FANCM: variants seen among roughly 807,000 people sequenced by gnomAD.
FANCM encodes Fanconi anemia group M protein.
Under a neutral mutation model 199.5 loss-of-function variants are expected in FANCM, and 140 were observed. That is an observed-to-expected ratio of 0.70 (90% CI 0.61 to 0.81). The LOEUF (loss-of-function observed/expected upper bound fraction) is 0.81, where lower values mean the gene tolerates loss of function less well. Ranked by LOEUF, FANCM falls within the 30% of genes least tolerant of loss-of-function variation. FANCM has a pLI of 0.00. For synonymous variants in FANCM, 840 were observed against 836.8 expected (o/e 1.00, Z -0.07); for missense variants, 2,410 against 2,421.4 (o/e 1.00, Z 0.10).
rs1461529814 is a variant in FANCM, at chr14:45,170,695, A to G, written c.2109A>G (p.Ile703Met). 3 of 1,610,628 alleles carry G rather than the reference A, an allele frequency of 1.9e-6. No homozygotes were observed. The African/African-American group carries it at 4.0e-5, about 22-fold the overall frequency. The change falls in exon 12 of 23, where the codon ATA becomes ATG. Residue 703 changes from isoleucine (I) to methionine (M), a missense_variant. Ile to Met is a conservative substitution (Grantham distance 10). Coordinates refer to ENST00000267430, the MANE Select transcript of FANCM (RefSeq NM_020937.4). ...GGGACAGTGATGAAATTAAAGAGAT[A>G]ACATTGCCTCAAGTTCAGTTTTCTT... is the stretch of plus-strand genomic sequence containing the variant. ...RLRDSDEIKEITLPQVQFSSL... is the reference protein window; with the variant it reads ...RLRDSDEIKEMTLPQVQFSSL...
At chr14:45,190,317 TA>T (rs1889685592) in intron 20 of FANCM, among the ~76,000 whole-genome samples, 2 of 152,332 alleles carry the variant, frequency 1.3e-5, no homozygotes, top group South Asian at 4.1e-4. Flanking sequence ...ATAGACTTAC[TA>T]AAAAATACTT....
At chr14:45,170,537 T>C (rs1888269177) in intron 11 of FANCM, 52 bp from the exon 12 acceptor site, 1 of 1,374,498 alleles carries the variant, frequency 7.3e-7, no homozygotes, top group Non-Finnish European at 1.0e-6. Context: ...TGGGTTTTTT[T>C]GCTTTGCAGA....
chr14:45,194,974 C>T (rs1421300245), intron 20 of FANCM, among the ~76,000 whole-genome samples: 1 of 152,148 alleles, frequency 6.6e-6, no homozygotes, highest in Non-Finnish European at 1.5e-5. Context: ...GTCTCGAACT[C>T]CTGACCTCAA....
intron 12 of FANCM, among the ~76,000 whole-genome samples, chr14:45,171,552 T>G (rs1361792054): frequency 6.6e-6 from 1 of 152,120 alleles, no homozygotes; most frequent in East Asian, 1.9e-4. Context: ...GCTTAGCTCT[T>G]ACTTCTAAAT....
chr14:45,159,034 A>G, intron 8 of FANCM, 62 bp from the exon 9 acceptor site: 1 of 1,047,216 alleles, frequency 9.5e-7, no homozygotes, highest in South Asian at 1.6e-5. Context: ...TGTCTTTTGA[A>G]CTATTTCTTG....
At chr14:45,142,723 G>A (rs1056641006) in intron 3 of FANCM, among the ~76,000 whole-genome samples, 1 of 152,032 alleles carries the variant, frequency 6.6e-6, no homozygotes, top group South Asian at 2.1e-4. Flanking sequence ...ATGTGGTGAC[G>A]TTATGCATTT....
At chr14:45,164,297 T>C in intron 9 of FANCM, 62 bp from the exon 10 acceptor site, 2 of 1,357,552 alleles carry the variant, frequency 1.5e-6, no homozygotes, top group Admixed American at 1.7e-5. Context: ...GGGAAAAATA[T>C]GCTTTGATCT....
At chr14:45,143,838 T>C (rs920332830) in intron 3 of FANCM, among the ~76,000 whole-genome samples, 2 of 151,432 alleles carry the variant, frequency 1.3e-5, no homozygotes, top group South Asian at 2.1e-4. Flanking sequence ...GGATTACAGG[T>C]GCCCACCACC....
chr14:45,189,169 C>T lies in FANCM; in HGVS notation c.5147C>T (p.Ser1716Phe), dbSNP rs774758594. 2 of 1,614,124 alleles carry T rather than the reference C, an allele frequency of 1.2e-6. No homozygotes were observed. Among genetic ancestry groups the T allele is most frequent in the East Asian group, 2.2e-5 (1 of 44,872 alleles). The change falls in exon 20 of 23, where the codon TCC becomes TTC. Residue 1716 changes from serine (S) to phenylalanine (F), a missense_variant. By Grantham distance (155) the Ser-to-Phe change is radical (BLOSUM62 -2). Coordinates refer to ENST00000267430, the MANE Select transcript of FANCM (RefSeq NM_020937.4). ...GTGCCTTCTGGATCTTCTGCGCAGT[C>T]CAAGGTGCGTTCTACTCCAAGAGTT... ...NSVPSGSSAQ[S>F]KVRSTPRVNP...
intron 16 of FANCM, 104 bp downstream of exon 16, chr14:45,181,809 A>G (rs1889092716): frequency 8.1e-6 from 6 of 736,448 alleles, no homozygotes; most frequent in African/African-American, 5.3e-5. Flanking sequence ...AATCCTTAGT[A>G]GAAAAGTTGA....
intron 1 of FANCM, 149 bp downstream of exon 1, chr14:45,136,688 C>T: frequency 1.3e-6 from 1 of 777,860 alleles, no homozygotes; most frequent in Non-Finnish European, 2.2e-6. Flanking sequence ...AATAGGGTTG[C>T]TTTATTCAAT....
At chr14:45,164,224 C>T (rs1594784002) in intron 9 of FANCM, 135 bp from the exon 10 acceptor site, 2 of 736,962 alleles carry the variant, frequency 2.7e-6, no homozygotes, top group East Asian at 2.7e-5. Context: ...ACATTACAGG[C>T]ATGAGCTGTG....
chr14:45,173,287 G>C (rs1283779080), intron 13 of FANCM, 77 bp downstream of exon 13: 1 of 1,286,982 alleles, frequency 7.8e-7, no homozygotes, highest in East Asian at 2.3e-5. Flanking sequence ...TTCTTAATTT[G>C]AAGTAATAAG....
chr14:45,170,835 T>A, intron 12 of FANCM, 89 bp downstream of exon 12: 1 of 1,066,814 alleles, frequency 9.4e-7, no homozygotes, highest in Non-Finnish European at 1.5e-6. Context: ...GATCAAGCAA[T>A]AGCTTTGGGA....
At chr14:45,163,646 T>C (rs901086284) in intron 9 of FANCM, among the ~76,000 whole-genome samples, 1 of 152,194 alleles carries the variant, frequency 6.6e-6, no homozygotes, top group Non-Finnish European at 1.5e-5. Flanking sequence ...TTACAAATAT[T>C]ATAAGAAATA....
At chr14:45,170,070 AT>A (rs1355671265) in intron 11 of FANCM, among the ~76,000 whole-genome samples, 1 of 152,164 alleles carries the variant, frequency 6.6e-6, no homozygotes, top group Non-Finnish European at 1.5e-5. Flanking sequence ...ACTCTGTTTC[AT>A]GCCAGGTCTT....
chr14:45,153,809 C>T (rs989328187), intron 5 of FANCM, 111 bp from the exon 6 acceptor site: 1 of 855,108 alleles, frequency 1.2e-6, no homozygotes, highest in South Asian at 1.3e-5. Flanking sequence ...TGATTATGAT[C>T]ATTTGGATTA....
chr14:45,177,002 A>T lies in FANCM; in HGVS notation c.4222+26A>T, dbSNP rs765638627. 32 of 1,394,026 alleles carry T rather than the reference A, an allele frequency of 2.3e-5. No individual in the cohort carries two copies. In the Admixed American group the frequency reaches 5.0e-4, roughly 22 times the overall value. The allele number at this position is 1,394,026 out of a possible 1,614,324, so 86.4% of individuals were successfully genotyped here. Reference sequence around the variant, plus strand: ...GTAAGATTCCATCTTTATAAAGTCTATAACTCTTTCTAGAATAATTACTCT... The same window carrying T: ...GTAAGATTCCATCTTTATAAAGTCTTTAACTCTTTCTAGAATAATTACTCT... On this transcript the variant is annotated intron_variant, in intron 14 of 22. Transcript: ENST00000267430.
chr14:45,147,369 G>A (rs1464403290), intron 3 of FANCM, among the ~76,000 whole-genome samples: 5 of 150,688 alleles, frequency 3.3e-5, no homozygotes, highest in Admixed American at 2.0e-4. Context: ...GAATACAGTC[G>A]CAACTGTAGT....
Sources: gnomAD v4.1 joint callset for allele counts (sites outside exome capture counted in the v4.1 genomes callset) on GRCh38, gnomAD v4.1.1 for gene constraint, MANE v1.5 for transcripts, NCBI Gene and HGNC (gene_info 2026-07-23, HGNC 2026-07-21) for gene names.